ARHGEF28: variants seen among roughly 807,000 people sequenced by gnomAD.
ARHGEF28 encodes Rho guanine nucleotide exchange factor 28, also known as 190 kDa guanine nucleotide exchange factor.
A neutral mutation model predicts 206.6 loss-of-function variants in ARHGEF28; 152 were observed. The observed-to-expected ratio is 0.74, with a 90% CI of 0.64 to 0.84. ARHGEF28 has a LOEUF of 0.84. Among genes scored for constraint, ARHGEF28 ranks in the 40% least tolerant of loss-of-function variants. The pLI is 0.00. For missense variants in ARHGEF28, 2,028 were observed against 2,073.2 expected (o/e 0.98, Z 0.42); for synonymous variants, 763 against 776.4 (o/e 0.98, Z 0.29).
intron 26 of ARHGEF28, among the ~76,000 whole-genome samples, chr5:73,888,181 G>A (rs977930276): frequency 2.0e-5 from 3 of 152,322 alleles, no homozygotes; most frequent in South Asian, 2.1e-4. Flanking sequence ...GACTGCCATC[G>A]TGTGCCTTCT....
At chr5:73,868,325 T>C in intron 20 of ARHGEF28, 98 bp downstream of exon 20, 2 of 1,386,876 alleles carry the variant, frequency 1.4e-6, no homozygotes, top group Non-Finnish European at 9.5e-7. Flanking sequence ...TTTTTTTTTC[T>C]TTTTCAAAGA....
At chr5:73,846,066 A>T (rs1350465884) in intron 11 of ARHGEF28, among the ~76,000 whole-genome samples, 3 of 151,748 alleles carry the variant, frequency 2.0e-5, no homozygotes, top group Admixed American at 6.6e-5. Flanking sequence ...AGGAATGTTC[A>T]TTCGGGGTAA....
In ARHGEF28 at chr5:73,680,519, A is replaced by T. The variant is rs150663368; in HGVS notation, c.-11-4322A>T. On this transcript the variant is annotated intron_variant, in intron 1 of 35. Coordinates refer to ENST00000513042, the MANE Select transcript of ARHGEF28 (RefSeq NM_001177693.2). Reference sequence around the variant, plus strand: ...TCTCACTTAAAATGATGGGTTTTGGATGGGAGGGGAGTGAGGGATAAAAGA... The same window carrying T: ...TCTCACTTAAAATGATGGGTTTTGGTTGGGAGGGGAGTGAGGGATAAAAGA... Among the ~76,000 whole-genome samples the T allele has an allele frequency of 2.8e-3, 407 of 142,928 alleles. 2 individuals carry two copies. Among genetic ancestry groups the T allele is most frequent in the African/African-American group, 9.9e-3 (388 of 39,312 alleles). The allele number at this position is 142,928 out of a possible 152,430, so 93.8% of individuals were successfully genotyped here.
At position 73,752,896 on chromosome 5, in the gene ARHGEF28, T is replaced by C. The variant is rs1355074986; in HGVS notation, c.182-13T>C. On this transcript the variant is annotated splice_polypyrimidine_tract_variant and intron_variant, in intron 3 of 35. Coordinates refer to ENST00000513042, the MANE Select transcript of ARHGEF28 (RefSeq NM_001177693.2). ...CAGACTTGGGGTGAACTGTTCACTG[T>C]CTTGTTGTCCAGGCCATGGGCTTCA... 1.2e-6 allele frequency: 2 copies of C among 1,613,464 alleles called. No homozygotes were observed. Among genetic ancestry groups the C allele is most frequent in the Non-Finnish European group, 8.5e-7 (1 of 1,179,736 alleles).
In ARHGEF28 at chr5:73,810,012, G is replaced by GA. The variant is rs200779340; in HGVS notation, c.1024+14629dup. On this transcript the variant is annotated intron_variant, in intron 9 of 35. Transcript: ENST00000513042. Reference sequence around the variant, plus strand: ...AATGCAATTATATTGATAAACTACAGAAAAAAAACCCACTTCAATTACTAT... The same window carrying GA: ...AATGCAATTATATTGATAAACTACAGAAAAAAAAACCCACTTCAATTACTAT... Among the ~76,000 whole-genome samples, 885 of 151,690 alleles carry GA rather than the reference G, an allele frequency of 5.8e-3. 1 individual carries two copies. The highest frequency in any genetic ancestry group is 9.3e-3 in the Non-Finnish European group (632 of 67,890).
intron 6 of ARHGEF28, among the ~76,000 whole-genome samples, chr5:73,778,795 C>T (rs1753674959): frequency 6.6e-6 from 1 of 152,280 alleles, no homozygotes; most frequent in African/African-American, 2.4e-5. Flanking sequence ...AGCTTTACAA[C>T]TTTGGATGAT....
chr5:73,858,131 T>C lies in ARHGEF28; in HGVS notation c.1959T>C (p.His653=). The part of the protein sequence containing the change: ...DAKDKEKLNR[H]QFAPGTFSGV... ...AAGATAAAGAGAAGCTGAATCGACA[T>C]CAGTTTGCCCCAGGAACATTCTCTG... Residue 653 remains histidine (H), a synonymous_variant, in exon 16 of 36, where the codon CAT becomes CAC. Coordinates refer to ENST00000513042, the MANE Select transcript of ARHGEF28 (RefSeq NM_001177693.2). 6.2e-7 allele frequency: 1 copy of C among 1,612,296 alleles called. No individual in the cohort carries two copies.
chr5:73,706,173 C>G (rs1311746040), intron 2 of ARHGEF28, among the ~76,000 whole-genome samples: 1 of 146,812 alleles, frequency 6.8e-6, no homozygotes, highest in Non-Finnish European at 1.6e-5. Flanking sequence ...AGGAAGCAGA[C>G]AAAGTCTAGT....
rs1759996766 is a variant in ARHGEF28, at chr5:73,870,080, T to C, written c.2437T>C (p.Ser813Pro). 3 of 1,613,162 alleles carry C rather than the reference T, an allele frequency of 1.9e-6. No individual in the cohort carries two copies. The highest frequency in any genetic ancestry group is 2.5e-6 in the Non-Finnish European group (3 of 1,179,692). Residue 813 changes from serine (S) to proline (P), a missense_variant, in exon 21 of 36, where the codon TCT becomes CCT. Ser to Pro is a moderately conservative substitution (Grantham distance 74, BLOSUM62 -1). Around this residue, in one of 3 missense-constraint regions of ARHGEF28, gnomAD observed 1,002 missense variants for 1,015.3 expected, o/e 0.99. Coordinates refer to ENST00000513042, the MANE Select transcript of ARHGEF28 (RefSeq NM_001177693.2). ...TAAACACACATTAGATGTTGTGGAT[T>C]CTTCTCTGTGGAGTGACCTCAGCAG... is the stretch of plus-strand genomic sequence containing the variant. ...ESFIMEDVVDSSLWSDLSSDA... is the reference protein window; with the variant it reads ...ESFIMEDVVDPSLWSDLSSDA...
At chr5:73,851,729 T>A (rs1413561470) in intron 13 of ARHGEF28, among the ~76,000 whole-genome samples, 2 of 152,202 alleles carry the variant, frequency 1.3e-5, no homozygotes, top group African/African-American at 4.8e-5. Flanking sequence ...GAGTTCTGCC[T>A]ATGACTTAAT....
At chr5:73,767,090 C>T (rs1427574389) in intron 4 of ARHGEF28, among the ~76,000 whole-genome samples, 5 of 152,124 alleles carry the variant, frequency 3.3e-5, no homozygotes, top group Admixed American at 6.5e-5. Flanking sequence ...TCTCTCTTGC[C>T]GCCACCATGT....
intron 7 of ARHGEF28, 59 bp from the exon 8 acceptor site, chr5:73,794,340 AGTT>A (rs10683146): frequency 7.6e-6 from 10 of 1,310,918 alleles, no homozygotes; most frequent in African/African-American, 1.5e-5. Context: ...GTCAGCTAGT[AGTT>A]GTTGTTCTTC....
rs1760473019 is a variant in ARHGEF28, at chr5:73,876,191, G to A, written c.2814+2945G>A. 2.8e-5 allele frequency among the ~76,000 whole-genome samples: 4 copies of A among 142,852 alleles called. No individual in the cohort carries two copies. The Admixed American group carries it at 2.9e-4, about 10-fold the overall frequency. The allele number at this position is 142,852 out of a possible 152,430, so 93.7% of individuals were successfully genotyped here. A position where few individuals can be genotyped will look rare whatever the true frequency, so the allele number is the denominator to read the frequency against. ...TATTCTCTTTGAAGCAATTGTGAAT[G>A]GGAGTTCACTCATGATTTGGCTCTC... On this transcript the variant is annotated intron_variant, in intron 22 of 35. Transcript: ENST00000513042.
At chr5:73,654,873 A>G (rs926478071) in intron 1 of ARHGEF28, among the ~76,000 whole-genome samples, 5 of 152,204 alleles carry the variant, frequency 3.3e-5, no homozygotes, top group African/African-American at 4.8e-5. Flanking sequence ...TGACGTTCAC[A>G]GTAATCTAAG....
chr5:73,846,388 A>C lies in ARHGEF28; in HGVS notation c.1548A>C (p.Glu516Asp). ...SSRTGIPSGD[E>D]LDSFETNTEP... is the part of the protein sequence containing the mutation. ...GAACTGGGATTCCTAGTGGGGATGAATTGGACTCTTTTGAGACTAACACTG... is the reference window on the plus strand; with the variant it reads ...GAACTGGGATTCCTAGTGGGGATGACTTGGACTCTTTTGAGACTAACACTG... Residue 516 changes from glutamate to aspartate, a missense_variant, in exon 12 of 36, where the codon GAA (glutamate) becomes GAC (aspartate). Glu to Asp is a conservative substitution (Grantham distance 45). Transcript: ENST00000513042. The C allele has an allele frequency of 6.2e-7, 1 of 1,613,960 alleles. No individual in the cohort carries two copies.
chr5:73,783,819 T>C (rs959910316), intron 7 of ARHGEF28, among the ~76,000 whole-genome samples: 2 of 152,230 alleles, frequency 1.3e-5, no homozygotes, highest in African/African-American at 4.8e-5. Flanking sequence ...GACAGGTGTT[T>C]GGGGCAGCCA....
At chr5:73,899,929 G>A (rs1290366169) in intron 30 of ARHGEF28, 14 of 152,246 alleles carry the variant, frequency 9.2e-5, no homozygotes. Context: ...TAATTTCTAT[G>A]AGGGAGTGAG....
rs1254637058 is a variant in ARHGEF28, at chr5:73,752,909, G to T, written c.182G>T (p.Gly61Val). Residue 61 changes from glycine to valine, a missense_variant and splice_region_variant, in exon 4 of 36, where the codon GGC (glycine) becomes GTC (valine). Around this residue, in one of 3 missense-constraint regions of ARHGEF28, gnomAD observed 1,002 missense variants for 1,015.3 expected, o/e 0.99. Transcript: ENST00000513042. ...EDNVLQSSVP[G>V]HGLQETVTVS... ...AACTGTTCACTGTCTTGTTGTCCAGGCCATGGGCTTCAGGAGACGGTGACG... is the reference window on the plus strand; with the variant it reads ...AACTGTTCACTGTCTTGTTGTCCAGTCCATGGGCTTCAGGAGACGGTGACG... The T allele has an allele frequency of 6.2e-7, 1 of 1,613,702 alleles. No homozygotes were observed. The highest frequency in any genetic ancestry group is 8.5e-7 in the Non-Finnish European group (1 of 1,179,786).
chr5:73,772,807 G>T (rs1484140673), intron 4 of ARHGEF28, among the ~76,000 whole-genome samples: 1 of 152,100 alleles, frequency 6.6e-6, no homozygotes, highest in Non-Finnish European at 1.5e-5. Flanking sequence ...GCCTTTTATT[G>T]GTTTCTACTG....
Sources: allele counts gnomAD v4.1 joint callset (sites outside exome capture counted in the v4.1 genomes callset), GRCh38; gene constraint gnomAD v4.1.1; regional missense constraint gnomAD v4.1.1; transcripts MANE v1.5; gene names NCBI Gene and HGNC (gene_info 2026-07-23, HGNC 2026-07-21).